GPC5: variants seen among roughly 807,000 people sequenced by gnomAD.
The protein encoded by GPC5 is glypican 5.
In GPC5, 47 loss-of-function variants were observed where a neutral mutation model predicts 53.9. The ratio of observed to expected loss-of-function variants is 0.87; its 90% confidence interval spans 0.69 to 1.11. The LOEUF is 1.11. GPC5 is among the 50% of genes most tolerant of loss of function. The pLI is 0.00. For missense variants in GPC5, 748 were observed against 713.1 expected, an observed-to-expected ratio of 1.05 and a Z score of -0.56; for synonymous variants, 286 against 263.3, an observed-to-expected ratio of 1.09 and a Z score of -0.84.
chr13:91,410,623 G>A (rs1877682496), intron 1 of GPC5, among the ~76,000 whole-genome samples: 1 of 151,972 alleles, frequency 6.6e-6, no homozygotes, highest in African/African-American at 2.4e-5. Context: ...TGGGATTACA[G>A]GCGTGAGCCA....
intron 7 of GPC5, among the ~76,000 whole-genome samples, chr13:92,850,123 T>TA (rs1420401316): frequency 6.6e-6 from 1 of 152,160 alleles, no homozygotes; most frequent in Non-Finnish European, 1.5e-5. Context: ...ACCTTTTTTT[T>TA]AACAAAAACT....
In GPC5 at chr13:92,395,489, T is replaced by C. The variant is rs140146278; in HGVS notation, c.1561+250500T>C. Reference sequence around the variant, plus strand: ...ACTGTCTTTATTATTATTTTAAACATTTATCTTCTAGGTACATTTACAAAG... The same window carrying C: ...ACTGTCTTTATTATTATTTTAAACACTTATCTTCTAGGTACATTTACAAAG... On this transcript the variant is annotated intron_variant, in intron 7 of 7. Coordinates refer to ENST00000377067, the MANE Select transcript of GPC5 (RefSeq NM_004466.6). Among the ~76,000 whole-genome samples the C allele has an allele frequency of 5.2e-3, 792 of 152,268 alleles. 4 individuals are homozygous for C. Among genetic ancestry groups the C allele is most frequent in the African/African-American group, 0.018 (741 of 41,552 alleles).
At chr13:91,804,970 C>T (rs1011297118) in intron 5 of GPC5, among the ~76,000 whole-genome samples, 76 of 152,158 alleles carry the variant, frequency 5.0e-4, no homozygotes, top group African/African-American at 1.4e-3. Context: ...AGAGTGAGAG[C>T]GCATTGCTGA....
chr13:92,301,600 C>T lies in GPC5; in HGVS notation c.1561+156611C>T, dbSNP rs117705219. On this transcript the variant is annotated intron_variant, in intron 7 of 7. Transcript: ENST00000377067. ...TGTAAAAATCACTTATCAAAATGAT[C>T]ACAGGTCAGGTGACAGTGGCTTATA... 2.0e-5 allele frequency among the ~76,000 whole-genome samples: 3 copies of T among 152,052 alleles called. No homozygotes were observed. The East Asian group carries it at 5.8e-4, about 29-fold the overall frequency.
intron 2 of GPC5, among the ~76,000 whole-genome samples, chr13:91,456,002 A>G (rs1881517344): frequency 6.6e-6 from 1 of 152,026 alleles, no homozygotes; most frequent in Admixed American, 6.6e-5. Context: ...TCCAACATCA[A>G]TCCATGAAGC....
chr13:91,566,800 A>G (rs1391428774), intron 2 of GPC5, among the ~76,000 whole-genome samples: 2 of 152,220 alleles, frequency 1.3e-5, no homozygotes, highest in South Asian at 2.1e-4. Flanking sequence ...ATATTTTAAT[A>G]CTTTTCAAAA....
chr13:91,976,571 G>C (rs908913036), intron 6 of GPC5, among the ~76,000 whole-genome samples: 4 of 152,190 alleles, frequency 2.6e-5, no homozygotes, highest in Non-Finnish European at 5.9e-5. Flanking sequence ...AGGAAGAGGA[G>C]TTGGTCAACA....
At chr13:91,822,939 C>T (rs2038519369) in intron 5 of GPC5, among the ~76,000 whole-genome samples, 1 of 151,928 alleles carries the variant, frequency 6.6e-6, no homozygotes, top group Non-Finnish European at 1.5e-5. Context: ...TTCTCCTGTG[C>T]CTGTGAATTT....
At chr13:92,808,801 GCTA>G (rs992037284) in intron 7 of GPC5, among the ~76,000 whole-genome samples, 1 of 151,318 alleles carries the variant, frequency 6.6e-6, no homozygotes, top group African/African-American at 2.4e-5. Flanking sequence ...TTTCCTTTTG[GCTA>G]CTTTTTAGTG....
At chr13:91,923,601 T>C (rs917845760) in intron 6 of GPC5, among the ~76,000 whole-genome samples, 3 of 152,240 alleles carry the variant, frequency 2.0e-5, no homozygotes, top group African/African-American at 7.2e-5. Context: ...TTGCATTATA[T>C]GTTTCACATT....
intron 7 of GPC5, among the ~76,000 whole-genome samples, chr13:92,290,934 C>T (rs1486132684): frequency 6.6e-6 from 1 of 152,120 alleles, no homozygotes; most frequent in Non-Finnish European, 1.5e-5. Flanking sequence ...GCTTGTGGGC[C>T]AGCGTGAGTT....
chr13:92,064,623 G>A (rs183808770), intron 6 of GPC5, among the ~76,000 whole-genome samples: 1 of 151,824 alleles, frequency 6.6e-6, no homozygotes, highest in Non-Finnish European at 1.5e-5. Context: ...AGGCGTGGTG[G>A]GGGGGCGCCT....
chr13:92,709,019 C>T (rs1361645110), intron 7 of GPC5, among the ~76,000 whole-genome samples: 2 of 148,272 alleles, frequency 1.3e-5, no homozygotes, highest in African/African-American at 5.0e-5. Context: ...AGTAGCTGGG[C>T]CTGCAGGCAC....
chr13:92,285,328 T>C (rs964957674), intron 7 of GPC5, among the ~76,000 whole-genome samples: 5 of 152,288 alleles, frequency 3.3e-5, no homozygotes, highest in Admixed American at 6.5e-5. Flanking sequence ...AGGTAATTTA[T>C]AGATTCAATG....
intron 7 of GPC5, among the ~76,000 whole-genome samples, chr13:92,483,261 C>G (rs1200928536): frequency 6.6e-6 from 1 of 152,128 alleles, no homozygotes; most frequent in Non-Finnish European, 1.5e-5. Context: ...ACATCATGAG[C>G]ATACTTACAC....
chr13:91,468,401 G>A (rs1038849881), intron 2 of GPC5, among the ~76,000 whole-genome samples: 1 of 152,090 alleles, frequency 6.6e-6, no homozygotes, highest in African/African-American at 2.4e-5. Flanking sequence ...TCTTTGCAGA[G>A]GTAATCAAGT....
chr13:92,684,287 T>C (rs1263183464), intron 7 of GPC5, among the ~76,000 whole-genome samples: 1 of 152,106 alleles, frequency 6.6e-6, no homozygotes, highest in Non-Finnish European at 1.5e-5. Flanking sequence ...GTTTTTGTTT[T>C]TGAGACGGAG....
At chr13:92,437,528 A>T (rs1877359310) in intron 7 of GPC5, among the ~76,000 whole-genome samples, 2 of 152,154 alleles carry the variant, frequency 1.3e-5, no homozygotes, top group African/African-American at 4.8e-5. Flanking sequence ...AAAATAGAAA[A>T]GTTTACAGCT....
At chr13:92,814,027 A>G (rs1415220990) in intron 7 of GPC5, among the ~76,000 whole-genome samples, 1 of 152,030 alleles carries the variant, frequency 6.6e-6, no homozygotes, top group Non-Finnish European at 1.5e-5. Flanking sequence ...TGGTATCAAG[A>G]CAGACATGTG....
Sources: gnomAD v4.1 joint callset for allele counts (sites outside exome capture counted in the v4.1 genomes callset) on GRCh38, gnomAD v4.1.1 for gene constraint, MANE v1.5 for transcripts, NCBI Gene and HGNC (gene_info 2026-07-23, HGNC 2026-07-21) for gene names.